Variants in DCUN1D4 observed in about 807,000 individuals in gnomAD.
DCUN1D4 encodes DCN1-like protein 4.
Under a neutral mutation model 47.9 loss-of-function variants are expected in DCUN1D4, and 22 were observed. The observed-to-expected ratio is 0.46, with a 90% CI of 0.33 to 0.66. The LOEUF (loss-of-function observed/expected upper bound fraction) is 0.66, where lower values mean the gene tolerates loss of function less well. DCUN1D4 is among the 30% of genes least tolerant of loss of function. The probability of loss-of-function intolerance (pLI) is 0.02; values close to 1 mark genes in which losing one functional copy is unlikely to be tolerated. For synonymous variants in DCUN1D4, 121 were observed against 112.2 expected, an observed-to-expected ratio of 1.08 and a Z score of -0.50; for missense variants, 301 against 340.8, an observed-to-expected ratio of 0.88 and a Z score of 0.92.
chr4:51,848,055 T>C (rs1165068034), intron 1 of DCUN1D4: 2 of 497,198 alleles, frequency 4.0e-6, no homozygotes, highest in Non-Finnish European at 6.5e-6. Flanking sequence ...TTGTGCATTA[T>C]CTAGAAAAAT....
At position 51,863,878 on chromosome 4, in the gene DCUN1D4, T is replaced by C. The variant is rs538406455; in HGVS notation, c.136+169T>C. Among the ~76,000 whole-genome samples the C allele has an allele frequency of 1.2e-4, 18 of 152,354 alleles. No homozygotes were observed. The Middle Eastern group carries it at 0.017, about 144-fold the overall frequency. On this transcript the variant is annotated intron_variant, in intron 3 of 10. Coordinates refer to ENST00000334635, the MANE Select transcript of DCUN1D4 (RefSeq NM_001040402.3). ...ATGAAGGCAGCCATGTTATAGCTTC[T>C]TCCCAGTAGGAAATCTCTTCTGGAA...
chr4:51,893,163 G>T (rs1403409947), intron 7 of DCUN1D4, among the ~76,000 whole-genome samples: 1 of 152,150 alleles, frequency 6.6e-6, no homozygotes, highest in Non-Finnish European at 1.5e-5. Flanking sequence ...GAACACTTAA[G>T]ACTTCTGATT....
At chr4:51,866,970 C>A (rs1726040409) in intron 3 of DCUN1D4, among the ~76,000 whole-genome samples, 1 of 152,214 alleles carries the variant, frequency 6.6e-6, no homozygotes, top group African/African-American at 2.4e-5. Context: ...TCACTACTGG[C>A]CTGGATCCCA....
chr4:51,900,162 G>A (rs867683460), intron 8 of DCUN1D4, among the ~76,000 whole-genome samples: 5 of 151,874 alleles, frequency 3.3e-5, no homozygotes, highest in Non-Finnish European at 5.9e-5. Flanking sequence ...CAGAGAACTC[G>A]GTGACAATTT....
intron 1 of DCUN1D4, among the ~76,000 whole-genome samples, chr4:51,846,347 G>C (rs866986021): frequency 3.2e-4 from 49 of 152,160 alleles, no homozygotes; most frequent in African/African-American, 1.2e-3. Flanking sequence ...AATCTTGTCT[G>C]TAACATTGCC....
At chr4:51,887,183 C>T (rs1009000644) in intron 6 of DCUN1D4, 7 of 438,962 alleles carry the variant, frequency 1.6e-5, no homozygotes, top group Non-Finnish European at 2.7e-5. Context: ...TCACTGCAAC[C>T]TCTGCCTCCC....
chr4:51,837,383 T>A, the DCUN1D4 span, among the ~76,000 whole-genome samples: 1 of 152,188 alleles, frequency 6.6e-6, no homozygotes, highest in East Asian at 1.9e-4. Flanking sequence ...TTAAGAAATC[T>A]TAGGCCGGGC....
intron 7 of DCUN1D4, 77 bp downstream of exon 7, chr4:51,891,928 G>T (rs890834805): frequency 8.8e-6 from 10 of 1,136,556 alleles, no homozygotes; most frequent in Non-Finnish European, 1.3e-5. Flanking sequence ...GACTTCAGGA[G>T]GTGATTGAGT....
At chr4:51,843,577 C>T in intron 1 of DCUN1D4, 1 of 1,213,172 alleles carries the variant, frequency 8.2e-7, no homozygotes, top group East Asian at 3.7e-5. Context: ...ATCGGAGTGT[C>T]CGGGGTGCAT....
intron 7 of DCUN1D4, among the ~76,000 whole-genome samples, chr4:51,896,638 C>T (rs549379743): frequency 3.5e-4 from 53 of 152,186 alleles, no homozygotes; most frequent in Admixed American, 2.0e-3. Flanking sequence ...CCCTATAGTG[C>T]GAATTCAGCC....
intron 1 of DCUN1D4, chr4:51,848,260 T>C (rs1386667194): frequency 7.8e-7 from 1 of 1,289,404 alleles, no homozygotes; most frequent in Admixed American, 2.3e-5. Context: ...AGTAAAATGC[T>C]GGTGATGTGC....
chr4:51,867,428 G>T (rs1726136976), intron 3 of DCUN1D4, among the ~76,000 whole-genome samples: 1 of 152,214 alleles, frequency 6.6e-6, no homozygotes, highest in Admixed American at 6.5e-5. Flanking sequence ...CTGAGTTCTT[G>T]TCCCGCATCC....
chr4:51,847,453 CT>C (rs953403561), intron 1 of DCUN1D4, among the ~76,000 whole-genome samples: 7 of 152,164 alleles, frequency 4.6e-5, no homozygotes, highest in Non-Finnish European at 8.8e-5. Context: ...ATAACCCACA[CT>C]GAAATCCTGG....
chr4:51,893,393 T>G (rs903027923), intron 7 of DCUN1D4, among the ~76,000 whole-genome samples: 11 of 152,126 alleles, frequency 7.2e-5, no homozygotes, highest in South Asian at 6.2e-4. Flanking sequence ...TTTTTCTCAC[T>G]TTTCTTCATT....
chr4:51,910,908 G>T (rs1733628816), intron 8 of DCUN1D4, 162 bp from the exon 9 acceptor site: 2 of 637,916 alleles, frequency 3.1e-6, no homozygotes, highest in Non-Finnish European at 5.4e-6. Flanking sequence ...CATTGTGTTT[G>T]ACTACCTCCC....
chr4:51,915,904 C>T lies in DCUN1D4; in HGVS notation c.*2320C>T, dbSNP rs917216385. 4 of 152,462 alleles carry T rather than the reference C, an allele frequency of 2.6e-5. No individual in the cohort carries two copies. Among genetic ancestry groups the T allele is most frequent in the African/African-American group, 9.7e-5 (4 of 41,430 alleles). 9.4% of individuals were successfully genotyped at this position (152,462 alleles called of 1,614,324 possible). A position where few individuals can be genotyped will look rare whatever the true frequency, so the allele number is the denominator to read the frequency against. On this transcript the variant is annotated 3_prime_UTR_variant, in exon 11 of 11. Transcript: ENST00000334635. ...AAGAAAACTCCAAATAATCTTTAAACTGCCTTGAAAAATAAACCTCTTTGA... is the reference window on the plus strand; with the variant it reads ...AAGAAAACTCCAAATAATCTTTAAATTGCCTTGAAAAATAAACCTCTTTGA...
chr4:51,911,178 C>T lies in DCUN1D4; in HGVS notation c.720+4C>T. 6.2e-7 allele frequency: 1 copy of T among 1,606,572 alleles called. No individual in the cohort carries two copies. Among genetic ancestry groups the T allele is most frequent in the South Asian group, 1.1e-5 (1 of 89,704 alleles). On this transcript the variant is annotated splice_donor_region_variant and intron_variant, in intron 9 of 10. Coordinates refer to ENST00000334635, the MANE Select transcript of DCUN1D4 (RefSeq NM_001040402.3). Reference sequence around the variant, plus strand: ...AGTTTTTCACCAATTCTTAGAGGTACCAAATTGTTGTTTTATGAAATGTAT... The same window carrying T: ...AGTTTTTCACCAATTCTTAGAGGTATCAAATTGTTGTTTTATGAAATGTAT...
rs747669062 is a variant in DCUN1D4 at position 51,899,387 on chromosome 4, T to G, written c.615+9T>G. 1 of 1,598,884 alleles carries G rather than the reference T, an allele frequency of 6.3e-7. No homozygotes were observed. The highest frequency in any genetic ancestry group is 8.5e-7 in the Non-Finnish European group (1 of 1,173,078). On this transcript the variant is annotated intron_variant, in intron 8 of 10. Transcript: ENST00000334635. ...CGTTTGACTTTGCACGGGTGAGTTC[T>G]CTGGAGCCTATCCAGATGTTTCCCT...
chr4:51,903,623 C>G (rs753441070), intron 8 of DCUN1D4, among the ~76,000 whole-genome samples: 1 of 152,138 alleles, frequency 6.6e-6, no homozygotes, highest in African/African-American at 2.4e-5. Flanking sequence ...ACAGTTACAA[C>G]TATGTTAGGT....
Sources: gnomAD v4.1 joint callset for allele counts (sites outside exome capture counted in the v4.1 genomes callset) on GRCh38, gnomAD v4.1.1 for gene constraint, MANE v1.5 for transcripts, NCBI Gene and HGNC (gene_info 2026-07-23, HGNC 2026-07-21) for gene names.